SULT4A1: variants seen among roughly 807,000 people sequenced by gnomAD.
The protein encoded by SULT4A1 is sulfotransferase 4A1.
In SULT4A1, 11 loss-of-function variants were observed where a neutral mutation model predicts 35.2. The observed-to-expected ratio is 0.31, with a 90% CI of 0.20 to 0.52. The LOEUF is 0.52. Ranked by LOEUF, SULT4A1 falls within the 20% of genes least tolerant of loss-of-function variation. The pLI is 0.97. For missense variants in SULT4A1, 271 were observed against 383.7 expected (o/e 0.71, Z 2.45); for synonymous variants, 152 against 151.8 (o/e 1.00, Z -0.01).
chr22:43,837,728 C>T (rs2063388635), intron 4 of SULT4A1, among the ~76,000 whole-genome samples: 1 of 152,160 alleles, frequency 6.6e-6, no homozygotes, highest in Non-Finnish European at 1.5e-5. Context: ...TGGCGCCCTG[C>T]ACCGCCCCGC....
rs533823980 is a variant in SULT4A1, at chr22:43,828,243, C to T, written c.742+817G>A. On this transcript the variant is annotated intron_variant, in intron 6 of 6. Transcript: ENST00000330884. The stretch of plus-strand genomic sequence containing the variant: ...GGAAGTGCCCAACACACCAAGTGTC[C>T]ATCAGGTTCATACTTACCAACAGGG... 2.6e-5 allele frequency among the ~76,000 whole-genome samples: 4 copies of T among 152,362 alleles called. No homozygotes were observed. In the East Asian group the frequency reaches 7.7e-4, roughly 29 times the overall value.
chr22:43,832,078 G>A (rs1041266772), intron 5 of SULT4A1, among the ~76,000 whole-genome samples: 3 of 152,300 alleles, frequency 2.0e-5, no homozygotes, highest in Admixed American at 6.5e-5. Context: ...CAGAGCCCAC[G>A]TTGTTCCCCA....
chr22:43,842,042 G>A (rs1289064061), intron 1 of SULT4A1, 110 bp from the exon 2 acceptor site: 6 of 1,451,436 alleles, frequency 4.1e-6, no homozygotes, highest in Non-Finnish European at 5.5e-6. Context: ...CCCCAGGTGG[G>A]GCCCAGGGCG....
Position 43,838,905 on chromosome 22 carries a change from G to C in SULT4A1, c.470C>G (p.Thr157Ser). The C allele has an allele frequency of 1.2e-6, 2 of 1,614,168 alleles. No homozygotes were observed. The highest frequency in any genetic ancestry group is 1.7e-6 in the Non-Finnish European group (2 of 1,180,014). The change falls in exon 4 of 7, where the codon ACC (threonine) becomes AGC (serine). Residue 157 changes from threonine (T) to serine (S), a missense_variant. Transcript: ENST00000330884. ...RSLRTMSYRG[T>S]FQEFCRRFMN... ...AAACCTCCGGCAGAATTCTTGAAAGGTGCCTCGGTAGCTCATGGTCCGCAG... is the reference window on the plus strand; with the variant it reads ...AAACCTCCGGCAGAATTCTTGAAAGCTGCCTCGGTAGCTCATGGTCCGCAG...
At chr22:43,847,791 C>T (rs1457848255) in intron 1 of SULT4A1, among the ~76,000 whole-genome samples, 2 of 152,256 alleles carry the variant, frequency 1.3e-5, no homozygotes, top group African/African-American at 2.4e-5. Context: ...AGCACACTGT[C>T]ACGCTGTGCC....
At chr22:43,851,305 G>A (rs546563567) in intron 1 of SULT4A1, among the ~76,000 whole-genome samples, 1 of 152,292 alleles carries the variant, frequency 6.6e-6, no homozygotes, top group South Asian at 2.1e-4. Context: ...AAAGACTTAT[G>A]AGTGGAGGTG....
At chr22:43,835,150 C>T (rs959107724) in intron 4 of SULT4A1, among the ~76,000 whole-genome samples, 2 of 152,068 alleles carry the variant, frequency 1.3e-5, no homozygotes, top group African/African-American at 4.8e-5. Context: ...GCGCCCCCAC[C>T]GCAGCCCTGA....
intron 5 of SULT4A1, among the ~76,000 whole-genome samples, chr22:43,831,304 G>A (rs1434946436): frequency 6.6e-6 from 1 of 152,244 alleles, no homozygotes; most frequent in Non-Finnish European, 1.5e-5. Flanking sequence ...CTGCCCCCGA[G>A]ATGTGTGGGC....
chr22:43,827,415 A>T (rs1321579221), intron 6 of SULT4A1: 2 of 1,190,126 alleles, frequency 1.7e-6, no homozygotes, highest in Non-Finnish European at 1.1e-6. Flanking sequence ...AATGATACCT[A>T]AGGGGCAAAA....
intron 2 of SULT4A1, 139 bp from the exon 3 acceptor site, chr22:43,840,164 G>T (rs2063413676): frequency 1.5e-6 from 1 of 654,186 alleles, no homozygotes; most frequent in Admixed American, 2.7e-5. Flanking sequence ...GGAACGGCGG[G>T]TCTAGGGTAG....
intron 2 of SULT4A1, among the ~76,000 whole-genome samples, chr22:43,840,633 G>A (rs1183681997): frequency 6.6e-6 from 1 of 152,156 alleles, no homozygotes; most frequent in Non-Finnish European, 1.5e-5. Flanking sequence ...CCAGGCTGGC[G>A]CTGGACCGCA....
rs753892720 is a variant in SULT4A1 at position 43,841,880 on chromosome 22, G to C, written c.222C>G (p.Pro74=). The part of the protein sequence containing the change: ...VVYLVSQGAD[P]DEIGLMNIDE... ...CGATGTTCATCAAGCCGATCTCATC[G>C]GGGTCAGCGCCCTGGCTCACCAAGT... Residue 74 remains proline, a synonymous_variant, in exon 2 of 7, where the codon CCC becomes CCG. Transcript: ENST00000330884. The C allele has an allele frequency of 6.2e-7, 1 of 1,613,984 alleles. No individual in the cohort carries two copies. Among genetic ancestry groups the C allele is most frequent in the South Asian group, 1.1e-5 (1 of 91,074 alleles).
intron 2 of SULT4A1, 90 bp downstream of exon 2, chr22:43,841,712 G>A (rs928857975): frequency 6.5e-7 from 1 of 1,534,390 alleles, no homozygotes; most frequent in African/African-American, 1.4e-5. Flanking sequence ...CTAATCCACA[G>A]AGCCCCCAGG....
intron 4 of SULT4A1, among the ~76,000 whole-genome samples, chr22:43,835,997 G>C (rs2063368856): frequency 6.6e-6 from 1 of 152,214 alleles, no homozygotes; most frequent in South Asian, 2.1e-4. Flanking sequence ...TTTTCCCTGG[G>C]CTCCACGCTG....
intron 6 of SULT4A1, chr22:43,827,016 A>G: frequency 5.1e-6 from 5 of 985,390 alleles, no homozygotes; most frequent in Non-Finnish European, 6.0e-6. Context: ...TGTTGCTCCC[A>G]TTGTCTTTGT....
intron 1 of SULT4A1, among the ~76,000 whole-genome samples, chr22:43,850,941 C>T (rs1001358465): frequency 2.0e-5 from 3 of 152,114 alleles, no homozygotes; most frequent in Non-Finnish European, 4.4e-5. Context: ...ATTCACTAGG[C>T]CAGACAGTTG....
In SULT4A1 at chr22:43,862,342, T is replaced by TC; in HGVS notation, c.40dup (p.Glu14GlyfsTer60). 6.5e-7 allele frequency: 1 copy of TC among 1,534,138 alleles called. No homozygotes were observed. Among genetic ancestry groups the TC allele is most frequent in the Non-Finnish European group, 8.8e-7 (1 of 1,137,558 alleles). On this transcript the variant is annotated frameshift_variant, in exon 1 of 7. Coordinates refer to ENST00000330884, the MANE Select transcript of SULT4A1 (RefSeq NM_014351.4). ...GAACTCGAAGTACTTGCTCTCGAAC[T>TC]CCCCCGGGGTGCTGGGGGTCTCGGC...
intron 2 of SULT4A1, 87 bp downstream of exon 2, chr22:43,841,715 C>T: frequency 6.5e-7 from 1 of 1,534,492 alleles, no homozygotes; most frequent in Non-Finnish European, 8.8e-7. Context: ...ATCCACAGAG[C>T]CCCCAGGAGC....
chr22:43,858,163 A>C (rs1350231476), intron 1 of SULT4A1, among the ~76,000 whole-genome samples: 1 of 151,924 alleles, frequency 6.6e-6, no homozygotes, highest in East Asian at 1.9e-4. Flanking sequence ...GCCAAGGCAA[A>C]AGAAACTATG....
Sources: gnomAD v4.1 joint callset for allele counts (sites outside exome capture counted in the v4.1 genomes callset) on GRCh38, gnomAD v4.1.1 for gene constraint, MANE v1.5 for transcripts, NCBI Gene and HGNC (gene_info 2026-07-23, HGNC 2026-07-21) for gene names.